Variants in GRB10 observed in about 807,000 individuals in gnomAD.
GRB10 encodes the protein growth factor receptor bound protein 10.
In GRB10, 20 loss-of-function variants were observed where a neutral mutation model predicts 80.9. The observed-to-expected ratio is 0.25, with a 90% confidence interval of 0.17 to 0.36. The LOEUF is 0.36. Among genes scored for constraint, GRB10 ranks in the 10% least tolerant of loss-of-function variants. The probability of loss-of-function intolerance (pLI) is 1.00; values close to 1 mark genes in which losing one functional copy is unlikely to be tolerated. For synonymous variants in GRB10, 291 were observed against 291.5 expected, an observed-to-expected ratio of 1.00 and a Z score of 0.02; for missense variants, 548 against 747.7, an observed-to-expected ratio of 0.73 and a Z score of 3.12.
At chr7:50,669,910 T>C in intron 6 of GRB10, 47 bp from the exon 7 acceptor site, 1 of 1,569,222 alleles carries the variant, frequency 6.4e-7, no homozygotes, top group Non-Finnish European at 8.6e-7. Flanking sequence ...ATTCCCCACA[T>C]GACCCAGCCT....
intron 7 of GRB10, among the ~76,000 whole-genome samples, chr7:50,664,343 G>C (rs2059580357): frequency 6.6e-6 from 1 of 152,204 alleles, no homozygotes; most frequent in Non-Finnish European, 1.5e-5. Context: ...AGCACCTGCA[G>C]GAAGAAAATG....
At chr7:50,677,364 A>C (rs1179831984) in intron 5 of GRB10, among the ~76,000 whole-genome samples, 1 of 152,200 alleles carries the variant, frequency 6.6e-6, no homozygotes, top group African/African-American at 2.4e-5. Flanking sequence ...GCAAAAAATC[A>C]GGACCCCTGG....
chr7:50,723,118 C>CA (rs2068021016), intron 4 of GRB10, among the ~76,000 whole-genome samples: 1 of 152,030 alleles, frequency 6.6e-6, no homozygotes, highest in South Asian at 2.1e-4. Flanking sequence ...ACAAGTAAAG[C>CA]AAAATATAAC....
intron 3 of GRB10, among the ~76,000 whole-genome samples, chr7:50,749,723 C>T (rs2073783468): frequency 6.6e-6 from 1 of 152,226 alleles, no homozygotes; most frequent in Admixed American, 6.5e-5. Flanking sequence ...CAGTCATCAA[C>T]TCGTTGGTCT....
At chr7:50,725,194 G>A (rs1308495534) in intron 4 of GRB10, among the ~76,000 whole-genome samples, 1 of 152,208 alleles carries the variant, frequency 6.6e-6, no homozygotes, top group African/African-American at 2.4e-5. Context: ...AGGGGCAGAT[G>A]TCCCCCTTGC....
chr7:50,651,176 T>C (rs1247598436), intron 7 of GRB10, among the ~76,000 whole-genome samples: 1 of 152,238 alleles, frequency 6.6e-6, no homozygotes, highest in Non-Finnish European at 1.5e-5. Context: ...TCAGTGTATG[T>C]GTATTAGTTT....
chr7:50,789,260 T>A (rs560232318), intron 1 of GRB10, among the ~76,000 whole-genome samples: 1 of 152,270 alleles, frequency 6.6e-6, no homozygotes, highest in Admixed American at 6.5e-5. Context: ...CTAACCAACC[T>A]TATAAATTAA....
chr7:50,600,846 GATACTTCACA>G (rs969558648), intron 17 of GRB10, among the ~76,000 whole-genome samples: 1 of 152,170 alleles, frequency 6.6e-6, no homozygotes, highest in Non-Finnish European at 1.5e-5. Flanking sequence ...GGACTCTGGT[GATACTTCACA>G]ATATTACATA....
intron 5 of GRB10, among the ~76,000 whole-genome samples, chr7:50,702,837 G>A (rs899802640): frequency 3.3e-5 from 5 of 152,186 alleles, no homozygotes; most frequent in African/African-American, 1.2e-4. Flanking sequence ...TTCTTTCAGT[G>A]TAATTTTTTC....
intron 3 of GRB10, among the ~76,000 whole-genome samples, chr7:50,733,468 TACCA>T (rs1347565940): frequency 6.6e-6 from 1 of 152,208 alleles, no homozygotes; most frequent in East Asian, 1.9e-4. Context: ...TAAAATTTAC[TACCA>T]ACCATGTTTT....
chr7:50,700,855 G>T (rs2064100838), intron 5 of GRB10, among the ~76,000 whole-genome samples: 1 of 152,178 alleles, frequency 6.6e-6, no homozygotes, highest in Non-Finnish European at 1.5e-5. Flanking sequence ...AAAATTCAGT[G>T]CAACTTTCTA....
In GRB10 at chr7:50,671,718, G is replaced by A. The variant is rs1346046330; in HGVS notation, c.363-1855C>T. ...GCCACTTTCCCATCCACGGCTTCTA[G>A]CCAGTGACTTCACCCCAAAAAGATA... On this transcript the variant is annotated intron_variant, in intron 6 of 18. Transcript: ENST00000401949. 2.0e-5 allele frequency among the ~76,000 whole-genome samples: 3 copies of A among 152,248 alleles called. No individual in the cohort carries two copies. The East Asian group carries it at 5.8e-4, about 29-fold the overall frequency.
intron 5 of GRB10, among the ~76,000 whole-genome samples, chr7:50,696,962 A>T (rs1246167543): frequency 1.3e-5 from 2 of 152,332 alleles, no homozygotes; most frequent in South Asian, 4.1e-4. Context: ...CATCCACACA[A>T]TGGAATATTA....
chr7:50,627,103 C>T (rs1040334949), intron 7 of GRB10, 125 bp from the exon 8 acceptor site: 1 of 986,076 alleles, frequency 1.0e-6, no homozygotes, highest in Admixed American at 1.8e-5. Context: ...AACTGTTTTT[C>T]CAGGCAGCCA....
At chr7:50,622,931 C>T (rs1029644163) in intron 8 of GRB10, among the ~76,000 whole-genome samples, 3 of 152,130 alleles carry the variant, frequency 2.0e-5, no homozygotes, top group African/African-American at 7.2e-5. Context: ...GCTGGGACTA[C>T]AGGCATGAGC....
At chr7:50,780,378 G>C (rs942082621) in intron 2 of GRB10, among the ~76,000 whole-genome samples, 1 of 152,052 alleles carries the variant, frequency 6.6e-6, no homozygotes, top group Non-Finnish European at 1.5e-5. Context: ...AGACCTCCTA[G>C]GGTCCACAGG....
At chr7:50,690,864 T>C (rs1412961322) in intron 5 of GRB10, among the ~76,000 whole-genome samples, 3 of 151,768 alleles carry the variant, frequency 2.0e-5, no homozygotes, top group Non-Finnish European at 2.9e-5. Context: ...GACAAAAGAG[T>C]GGCGTGAACT....
chr7:50,674,677 G>A lies in GRB10; in HGVS notation c.140-19C>T, dbSNP rs1339745825. Reference sequence around the variant, plus strand: ...TCATCCTCTGCACAGAAAAAGGCAAGAGCAAAAAAGAAACTTTAACAATGG... The same window carrying A: ...TCATCCTCTGCACAGAAAAAGGCAAAAGCAAAAAAGAAACTTTAACAATGG... On this transcript the variant is annotated intron_variant, in intron 5 of 18. Coordinates refer to ENST00000401949, the MANE Select transcript of GRB10 (RefSeq NM_001350814.2). The A allele has an allele frequency of 1.2e-6, 2 of 1,606,546 alleles. No homozygotes were observed. Among genetic ancestry groups the A allele is most frequent in the East Asian group, 2.2e-5 (1 of 44,864 alleles).
chr7:50,667,920 C>T (rs571910148), intron 7 of GRB10, among the ~76,000 whole-genome samples: 40 of 152,312 alleles, frequency 2.6e-4, no homozygotes, highest in Admixed American at 1.6e-3. Context: ...GCTGAGAGAG[C>T]CAGATAATAT....
Sources: gnomAD v4.1 joint callset for allele counts (sites outside exome capture counted in the v4.1 genomes callset) on GRCh38, gnomAD v4.1.1 for gene constraint, MANE v1.5 for transcripts, NCBI Gene and HGNC (gene_info 2026-07-23, HGNC 2026-07-21) for gene names.